Variants in TMEM117 observed in about 807,000 individuals in gnomAD.
The protein encoded by TMEM117 is transmembrane protein 117.
TMEM117 carries 27 observed loss-of-function variants against 52.4 expected under a neutral mutation model. The observed-to-expected ratio is 0.51, with a 90% confidence interval of 0.38 to 0.71. The LOEUF (loss-of-function observed/expected upper bound fraction) is 0.71, where lower values mean the gene tolerates loss of function less well. Ranked by LOEUF, TMEM117 falls within the 30% of genes least tolerant of loss-of-function variation. The probability of loss-of-function intolerance (pLI) is 0.00; values close to 1 mark genes in which losing one functional copy is unlikely to be tolerated. For missense variants in TMEM117, 556 were observed against 630.5 expected (o/e 0.88, Z 1.26); for synonymous variants, 215 against 206.3 (o/e 1.04, Z -0.36).
At chr12:44,038,967 C>A (rs759446657) in intron 3 of TMEM117, among the ~76,000 whole-genome samples, 1 of 152,194 alleles carries the variant, frequency 6.6e-6, no homozygotes, top group African/African-American at 2.4e-5. Flanking sequence ...CAGGTACTCA[C>A]AATTCACCAC....
At chr12:44,211,265 G>C (rs777662685) in intron 4 of TMEM117, 25 bp from the exon 5 acceptor site, 1 of 1,486,564 alleles carries the variant, frequency 6.7e-7, no homozygotes, top group Non-Finnish European at 9.4e-7. Context: ...TGAAAGTGCT[G>C]AATAAGTTCC....
chr12:44,289,318 A>G (rs1950673987), intron 5 of TMEM117, among the ~76,000 whole-genome samples: 1 of 151,554 alleles, frequency 6.6e-6, no homozygotes, highest in Non-Finnish European at 1.5e-5. Context: ...TTGGTTCTAC[A>G]TCTTGGCTGT....
intron 3 of TMEM117, among the ~76,000 whole-genome samples, chr12:44,107,247 T>G (rs1040346466): frequency 4.6e-5 from 7 of 152,120 alleles, no homozygotes; most frequent in African/African-American, 1.7e-4. Context: ...TAGTAAGATA[T>G]GGGGCAAGGA....
chr12:44,303,141 T>A (rs1220747267), intron 6 of TMEM117, among the ~76,000 whole-genome samples: 1 of 152,056 alleles, frequency 6.6e-6, no homozygotes, highest in Non-Finnish European at 1.5e-5. Context: ...CCTCCTGGGT[T>A]CAAGCGATTC....
chr12:44,126,009 T>C (rs1225954699), intron 3 of TMEM117, among the ~76,000 whole-genome samples: 1 of 152,244 alleles, frequency 6.6e-6, no homozygotes, highest in African/African-American at 2.4e-5. Flanking sequence ...TCAGTTTCCA[T>C]GTAGTATATG....
At chr12:44,232,015 G>A (rs532589980) in intron 5 of TMEM117, among the ~76,000 whole-genome samples, 5 of 151,688 alleles carry the variant, frequency 3.3e-5, no homozygotes, top group Admixed American at 6.6e-5. Context: ...AATGAGAATA[G>A]TAGTAGTCCT....
At chr12:44,267,423 A>G (rs1409179535) in intron 5 of TMEM117, among the ~76,000 whole-genome samples, 1 of 152,290 alleles carries the variant, frequency 6.6e-6, no homozygotes, top group East Asian at 1.9e-4. Flanking sequence ...ATGAATTTGG[A>G]AATAAGAATA....
chr12:44,088,545 G>T (rs182429738), intron 3 of TMEM117, among the ~76,000 whole-genome samples: 1 of 152,134 alleles, frequency 6.6e-6, no homozygotes. Flanking sequence ...AGCCTCTGGC[G>T]CATGAGGCTG....
intron 6 of TMEM117, among the ~76,000 whole-genome samples, chr12:44,301,223 A>G (rs1354655028): frequency 6.6e-6 from 1 of 152,172 alleles, no homozygotes; most frequent in Non-Finnish European, 1.5e-5. Flanking sequence ...TATTCTTCCA[A>G]TAAGTTCACT....
intron 3 of TMEM117, among the ~76,000 whole-genome samples, chr12:44,104,122 T>C (rs115183220): frequency 2.0e-5 from 3 of 152,142 alleles, no homozygotes; most frequent in African/African-American, 7.2e-5. Context: ...TCATTACTAC[T>C]ATTTCAACAG....
the TMEM117 span, among the ~76,000 whole-genome samples, chr12:43,813,060 T>C: frequency 6.6e-6 from 1 of 151,410 alleles, no homozygotes; most frequent in East Asian, 1.9e-4. Flanking sequence ...CCACTCAAGT[T>C]TCCAGATTAG....
rs183267882 is a variant in TMEM117 at position 44,285,437 on chromosome 12, A to T, written c.609-14143A>T. Among the ~76,000 whole-genome samples, 224 of 152,332 alleles carry T rather than the reference A, an allele frequency of 1.5e-3. 1 individual carries two copies. Among genetic ancestry groups the T allele is most frequent in the African/African-American group, 5.2e-3 (218 of 41,580 alleles). Reference sequence around the variant, plus strand: ...CGTTCTCAAGGATGCTATCTTAACAAATGTGTTCAGATTGGCCAAAAAACA... The same window carrying T: ...CGTTCTCAAGGATGCTATCTTAACATATGTGTTCAGATTGGCCAAAAAACA... On this transcript the variant is annotated intron_variant, in intron 5 of 7. Transcript: ENST00000266534.
At chr12:44,206,576 T>G (rs1949569980) in intron 4 of TMEM117, among the ~76,000 whole-genome samples, 1 of 152,162 alleles carries the variant, frequency 6.6e-6, no homozygotes, top group Non-Finnish European at 1.5e-5. Context: ...TGCCTATCAG[T>G]GGTGGACTGG....
At chr12:43,827,275 C>A in the TMEM117 span, among the ~76,000 whole-genome samples, 3 of 152,022 alleles carry the variant, frequency 2.0e-5, no homozygotes, top group African/African-American at 7.3e-5. Context: ...CATCATTATG[C>A]ATTTTGTATT....
chr12:43,920,549 CTTTTTTTT>C, intron 2 of TMEM117, among the ~76,000 whole-genome samples: 1 of 86,038 alleles, frequency 1.2e-5, no homozygotes, highest in Admixed American at 1.5e-4. Context: ...CCTAGAGGGC[CTTTTTTTT>C]TTTTTTTTTT....
chr12:44,097,233 G>A (rs1418132679), intron 3 of TMEM117, among the ~76,000 whole-genome samples: 1 of 152,168 alleles, frequency 6.6e-6, no homozygotes, highest in East Asian at 1.9e-4. Flanking sequence ...TGGAGAGGAT[G>A]TGGAGAAATA....
At chr12:43,846,011 T>C (rs1010366576) in intron 2 of TMEM117, among the ~76,000 whole-genome samples, 50 of 152,148 alleles carry the variant, frequency 3.3e-4, no homozygotes, top group Admixed American at 1.3e-4. Flanking sequence ...CATAAAAAAA[T>C]GCCTCCATAT....
chr12:44,203,674 A>T (rs1413309342), intron 4 of TMEM117, among the ~76,000 whole-genome samples: 1 of 152,050 alleles, frequency 6.6e-6, no homozygotes, highest in Non-Finnish European at 1.5e-5. Flanking sequence ...GTTTCATAGA[A>T]CTTTTTATTT....
Position 44,299,726 on chromosome 12 carries a change from T to C in TMEM117, c.755T>C (p.Leu252Pro). ...LASFILVFDL[L>P]IVMQDWEFPH... ...TCTTTTATCTTGGTCTTTGACCTTC[T>C]TATTGTGATGCAGGTAAGTGTATTT... The change falls in exon 6 of 8, where the codon CTT (leucine) becomes CCT (proline). Residue 252 changes from leucine (L) to proline (P), a missense_variant. Transcript: ENST00000266534. 1 of 1,614,164 alleles carries C rather than the reference T, an allele frequency of 6.2e-7. No homozygotes were observed. Among genetic ancestry groups the C allele is most frequent in the Non-Finnish European group, 8.5e-7 (1 of 1,179,998 alleles).
Sources: allele counts gnomAD v4.1 joint callset (sites outside exome capture counted in the v4.1 genomes callset), GRCh38; gene constraint gnomAD v4.1.1; transcripts MANE v1.5; gene names NCBI Gene and HGNC (gene_info 2026-07-23, HGNC 2026-07-21).